Variants in PTPRD observed in about 807,000 individuals in gnomAD.
PTPRD encodes the protein receptor-type tyrosine-protein phosphatase delta.
In PTPRD, 34 loss-of-function variants were observed where a neutral mutation model predicts 214.5. The ratio of observed to expected loss-of-function variants is 0.16; its 90% CI spans 0.12 to 0.21. The LOEUF is 0.21. Ranked by LOEUF, PTPRD falls within the 10% of genes least tolerant of loss-of-function variation. PTPRD has a pLI of 1.00. For synonymous variants in PTPRD, 1,128 were observed against 845.7 expected (o/e 1.33, Z -5.79); for missense variants, 2,545 against 2,398.7 (o/e 1.06, Z -1.27).
At chr9:10,089,206 A>AAAAT (rs34355367) in intron 3 of PTPRD, among the ~76,000 whole-genome samples, 11,711 of 142,556 alleles carry the variant, frequency 0.082, 701 homozygotes, top group African/African-American at 0.18. Context: ...AATCAGTCTC[A>AAAAT]AAATAAATAA....
intron 7 of PTPRD, among the ~76,000 whole-genome samples, chr9:9,692,974 G>C (rs2097301927): frequency 6.6e-6 from 1 of 151,924 alleles, no homozygotes; most frequent in Non-Finnish European, 1.5e-5. Context: ...TGTTGATTTT[G>C]TAACCTGAGA....
chr9:10,367,073 C>T (rs530165663), intron 2 of PTPRD, among the ~76,000 whole-genome samples: 19 of 128,298 alleles, frequency 1.5e-4, no homozygotes, highest in African/African-American at 5.4e-4. Context: ...AAGAAACAGA[C>T]AAACATAAAA....
intron 2 of PTPRD, among the ~76,000 whole-genome samples, chr9:10,598,711 G>GGTGTGGT (rs2077229620): frequency 3.6e-5 from 5 of 137,076 alleles, no homozygotes; most frequent in Non-Finnish European, 7.9e-5. Flanking sequence ...TGTGGTGTGT[G>GGTGTGGT]GTGTGTGTGT....
chr9:9,423,583 G>T (rs570246988), intron 8 of PTPRD, among the ~76,000 whole-genome samples: 11 of 152,284 alleles, frequency 7.2e-5, no homozygotes, highest in Admixed American at 5.9e-4. Context: ...ATACTCATAA[G>T]TGATACAAAT....
intron 3 of PTPRD, among the ~76,000 whole-genome samples, chr9:10,212,971 G>A (rs776943143): frequency 6.6e-6 from 1 of 152,032 alleles, no homozygotes; most frequent in African/African-American, 2.4e-5. Flanking sequence ...TTTGCACAAC[G>A]TAACCTTAAT....
chr9:10,609,521 T>A lies in PTPRD; in HGVS notation c.-600+2877A>T, dbSNP rs1398144053. On this transcript the variant is annotated intron_variant, in intron 2 of 45. Coordinates refer to ENST00000381196, the MANE Select transcript of PTPRD (RefSeq NM_002839.4). ...ATTAGTCATTCCTAAAATTTTAACA[T>A]AATATTCTGCTAATTCTTGGATATA... Among the ~76,000 whole-genome samples, 3 of 152,070 alleles carry A rather than the reference T, an allele frequency of 2.0e-5. No homozygotes were observed. The East Asian group carries it at 5.8e-4, about 29-fold the overall frequency.
intron 5 of PTPRD, among the ~76,000 whole-genome samples, chr9:9,884,623 C>A (rs2070113170): frequency 6.6e-6 from 1 of 152,226 alleles, no homozygotes; most frequent in African/African-American, 2.4e-5. Context: ...TTGGCTGTGT[C>A]CCCAACCAAA....
At chr9:9,312,605 G>C (rs1959519705) in intron 9 of PTPRD, among the ~76,000 whole-genome samples, 1 of 152,094 alleles carries the variant, frequency 6.6e-6, no homozygotes, top group South Asian at 2.1e-4. Context: ...TAGTCACAGT[G>C]AGTGAATGTG....
chr9:8,614,366 T>A (rs931300596), intron 14 of PTPRD, among the ~76,000 whole-genome samples: 1 of 152,178 alleles, frequency 6.6e-6, no homozygotes, highest in Non-Finnish European at 1.5e-5. Flanking sequence ...ATGAGACTAA[T>A]GAGTTCAGAG....
intron 7 of PTPRD, among the ~76,000 whole-genome samples, chr9:9,607,745 T>TA (rs61080071): frequency 0.049 from 6,949 of 140,726 alleles, 221 homozygotes; most frequent in African/African-American, 0.093. Context: ...AGACTGTTAG[T>TA]AAAAAAAAAA....
intron 3 of PTPRD, among the ~76,000 whole-genome samples, chr9:10,179,309 A>C (rs548183685): frequency 6.6e-6 from 1 of 152,146 alleles, no homozygotes; most frequent in East Asian, 1.9e-4. Flanking sequence ...AGTTATAGAA[A>C]GCACAAATAT....
At chr9:9,665,654 C>T (rs1372759429) in intron 7 of PTPRD, among the ~76,000 whole-genome samples, 4 of 151,704 alleles carry the variant, frequency 2.6e-5, no homozygotes, top group Admixed American at 2.0e-4. Context: ...GCTGTGTCTC[C>T]ACCTTCCACA....
At chr9:10,415,185 A>T (rs2098475436) in intron 2 of PTPRD, among the ~76,000 whole-genome samples, 1 of 151,874 alleles carries the variant, frequency 6.6e-6, no homozygotes, top group Non-Finnish European at 1.5e-5. Context: ...TAATGATTAA[A>T]AATAAATATA....
intron 5 of PTPRD, among the ~76,000 whole-genome samples, chr9:9,912,938 G>A (rs1254686308): frequency 6.6e-6 from 1 of 151,930 alleles, no homozygotes; most frequent in Non-Finnish European, 1.5e-5. Flanking sequence ...ATACTTTTTT[G>A]CTCTTCCTTC....
At chr9:8,432,313 G>A (rs1407566057) in intron 35 of PTPRD, among the ~76,000 whole-genome samples, 1 of 152,180 alleles carries the variant, frequency 6.6e-6, no homozygotes, top group Non-Finnish European at 1.5e-5. Flanking sequence ...CAGAGATGGG[G>A]TTACACTAAT....
At chr9:8,857,844 G>A (rs754112211) in intron 11 of PTPRD, 1 of 155,320 alleles carries the variant, frequency 6.4e-6, no homozygotes, top group African/African-American at 2.4e-5. Context: ...TCCAGAGCGA[G>A]GAAGTGGAAG....
intron 11 of PTPRD, among the ~76,000 whole-genome samples, chr9:8,863,561 A>G (rs2154546183): frequency 6.6e-6 from 1 of 152,366 alleles, no homozygotes; most frequent in South Asian, 2.1e-4. Context: ...CCATTAATGC[A>G]TACATTAAGC....
intron 5 of PTPRD, among the ~76,000 whole-genome samples, chr9:9,806,481 G>A (rs913535353): frequency 6.6e-5 from 10 of 151,944 alleles, no homozygotes; most frequent in Non-Finnish European, 1.5e-4. Flanking sequence ...CCGCCCTTGT[G>A]AATGTACTTT....
chr9:9,352,936 T>C (rs1307464632), intron 9 of PTPRD, among the ~76,000 whole-genome samples: 2 of 152,028 alleles, frequency 1.3e-5, no homozygotes, highest in African/African-American at 2.4e-5. Flanking sequence ...ATAACTCTAA[T>C]GGATACAAAA....
Sources: allele counts gnomAD v4.1 joint callset (sites outside exome capture counted in the v4.1 genomes callset), GRCh38; gene constraint gnomAD v4.1.1; transcripts MANE v1.5; gene names NCBI Gene and HGNC (gene_info 2026-07-23, HGNC 2026-07-21).